Variants in KMT2E observed in about 807,000 individuals in gnomAD.
KMT2E encodes the protein lysine methyltransferase 2E (inactive).
Under a neutral mutation model 184.6 loss-of-function variants are expected in KMT2E, and 30 were observed. The ratio of observed to expected loss-of-function variants is 0.16; its 90% CI spans 0.12 to 0.22. KMT2E has a LOEUF of 0.22. KMT2E is among the 10% of genes least tolerant of loss of function. The pLI is 1.00. For synonymous variants in KMT2E, 815 were observed against 776.5 expected (o/e 1.05, Z -0.82); for missense variants, 2,023 against 2,237.4 (o/e 0.90, Z 1.93).
At chr7:105,086,005 C>A (rs1186866953) in intron 13 of KMT2E, among the ~76,000 whole-genome samples, 2 of 152,140 alleles carry the variant, frequency 1.3e-5, no homozygotes, top group Non-Finnish European at 2.9e-5. Flanking sequence ...TTTACTATGT[C>A]TGTATTTGTT....
intron 1 of KMT2E, among the ~76,000 whole-genome samples, chr7:105,032,046 C>G (rs1370066910): frequency 7.6e-6 from 1 of 132,196 alleles, no homozygotes; most frequent in African/African-American, 2.9e-5. Context: ...ACACTCCAGC[C>G]TGGGCGACAT....
intron 1 of KMT2E, among the ~76,000 whole-genome samples, chr7:105,024,452 T>C (rs1795089451): frequency 6.6e-6 from 1 of 152,198 alleles, no homozygotes; most frequent in African/African-American, 2.4e-5. Flanking sequence ...AGTACCTTAA[T>C]TGACTGAAGT....
intron 6 of KMT2E, among the ~76,000 whole-genome samples, chr7:105,068,818 T>C (rs891973292): frequency 6.6e-5 from 10 of 152,048 alleles, no homozygotes; most frequent in African/African-American, 2.2e-4. Context: ...ATATATTTCA[T>C]TGAGGAAAGG....
intron 22 of KMT2E, chr7:105,108,404 C>A: frequency 6.5e-6 from 2 of 308,150 alleles, no homozygotes; most frequent in Non-Finnish European, 1.3e-5. Flanking sequence ...CCCTGATTTC[C>A]CATTATTTGG....
chr7:105,021,017 A>ATT (rs1373188410), intron 1 of KMT2E, among the ~76,000 whole-genome samples: 2 of 152,248 alleles, frequency 1.3e-5, no homozygotes, highest in Admixed American at 1.3e-4. Context: ...ACAGAGAGAT[A>ATT]TCTCCAGTTC....
chr7:105,108,473 T>C (rs544303496), intron 22 of KMT2E: 291 of 421,672 alleles, frequency 6.9e-4, no homozygotes, highest in Non-Finnish European at 1.3e-3. Context: ...ATAGCACTTA[T>C]TTTGTTAGTA....
intron 1 of KMT2E, among the ~76,000 whole-genome samples, chr7:105,026,919 TAAG>T (rs1271211064): frequency 3.3e-5 from 5 of 152,164 alleles, no homozygotes; most frequent in Non-Finnish European, 5.9e-5. Context: ...AATAGTTCAT[TAAG>T]GATTTTGGGA....
chr7:105,056,903 G>A (rs148944990), intron 3 of KMT2E, among the ~76,000 whole-genome samples: 5 of 152,242 alleles, frequency 3.3e-5, no homozygotes, highest in Admixed American at 3.3e-4. Context: ...AAAACCTCAA[G>A]TTCAAGAGAG....
At chr7:105,082,547 C>T (rs1276457279) in intron 13 of KMT2E, among the ~76,000 whole-genome samples, 2 of 151,926 alleles carry the variant, frequency 1.3e-5, no homozygotes, top group Non-Finnish European at 2.9e-5. Context: ...AGTGGATTAT[C>T]GTAAAGGTCT....
At chr7:105,023,122 A>G (rs1372060472) in intron 1 of KMT2E, among the ~76,000 whole-genome samples, 3 of 152,122 alleles carry the variant, frequency 2.0e-5, no homozygotes, top group Non-Finnish European at 2.9e-5. Context: ...TTACAGTTGT[A>G]TTGTTTAGGC....
At position 105,067,358 on chromosome 7, in the gene KMT2E, T is replaced by A. The variant is rs1031583053; in HGVS notation, c.497+551T>A. Among the ~76,000 whole-genome samples the A allele has an allele frequency of 2.0e-5, 3 of 152,114 alleles. No individual in the cohort carries two copies. The East Asian group carries it at 5.8e-4, about 29-fold the overall frequency. On this transcript the variant is annotated intron_variant, in intron 6 of 26. Coordinates refer to ENST00000311117, the MANE Select transcript of KMT2E (RefSeq NM_182931.3). ...ATGAATACTCCCTTAGTTAAAGAATTTAGTAGATCTATCATTCTTCTTGTT... is the reference window on the plus strand; with the variant it reads ...ATGAATACTCCCTTAGTTAAAGAATATAGTAGATCTATCATTCTTCTTGTT...
chr7:105,080,468 C>T (rs1797719761), intron 12 of KMT2E, among the ~76,000 whole-genome samples: 1 of 151,204 alleles, frequency 6.6e-6, no homozygotes, highest in Admixed American at 6.6e-5. Flanking sequence ...CTCCTGGGCT[C>T]AAGTGTTTGT....
intron 8 of KMT2E, 81 bp downstream of exon 8, chr7:105,074,896 G>C: frequency 1.0e-6 from 1 of 1,003,512 alleles, no homozygotes; most frequent in East Asian, 2.9e-5. Flanking sequence ...AGGAGAGTGA[G>C]AATAATCGAT....
chr7:105,096,110 C>A (rs1798399826), intron 15 of KMT2E, among the ~76,000 whole-genome samples: 1 of 151,834 alleles, frequency 6.6e-6, no homozygotes, highest in Non-Finnish European at 1.5e-5. Flanking sequence ...CAAAAATTAG[C>A]CAGGCATGGT....
At chr7:105,040,442 G>T (rs1562885458) in intron 2 of KMT2E, among the ~76,000 whole-genome samples, 1 of 152,186 alleles carries the variant, frequency 6.6e-6, no homozygotes, top group East Asian at 1.9e-4. Context: ...GACCATCCAT[G>T]TAAAAAGCTG....
chr7:105,073,529 A>G, intron 6 of KMT2E, 90 bp from the exon 7 acceptor site: 1 of 786,436 alleles, frequency 1.3e-6, no homozygotes. Flanking sequence ...TTTTTCACTG[A>G]GAACATTAAA....
chr7:105,047,047 G>A (rs1796137313), intron 3 of KMT2E, among the ~76,000 whole-genome samples: 1 of 152,166 alleles, frequency 6.6e-6, no homozygotes, highest in African/African-American at 2.4e-5. Flanking sequence ...GAGGAAAGCA[G>A]GTGCAAAATT....
chr7:105,100,154 T>C (rs1329224346), intron 15 of KMT2E, among the ~76,000 whole-genome samples: 3 of 152,192 alleles, frequency 2.0e-5, no homozygotes, highest in Non-Finnish European at 2.9e-5. Flanking sequence ...TGGACCTCAG[T>C]TTCCTCAGAG....
intron 1 of KMT2E, among the ~76,000 whole-genome samples, chr7:105,022,769 T>G (rs1562873900): frequency 6.6e-6 from 1 of 152,206 alleles, no homozygotes; most frequent in Non-Finnish European, 1.5e-5. Flanking sequence ...TTTTCTTTAC[T>G]TGGGTACATA....
Sources: allele counts gnomAD v4.1 joint callset (sites outside exome capture counted in the v4.1 genomes callset), GRCh38; gene constraint gnomAD v4.1.1; transcripts MANE v1.5; gene names NCBI Gene and HGNC (gene_info 2026-07-23, HGNC 2026-07-21).